Variants in NRXN3 observed in about 807,000 individuals in gnomAD.
The protein encoded by NRXN3 is neurexin III.
Under a neutral mutation model 137.6 loss-of-function variants are expected in NRXN3, and 32 were observed. That is an observed-to-expected ratio of 0.23 (90% CI 0.18 to 0.31). The LOEUF (loss-of-function observed/expected upper bound fraction) is 0.31, where lower values mean the gene tolerates loss of function less well. Among genes scored for constraint, NRXN3 ranks in the 10% least tolerant of loss-of-function variants. The pLI is 1.00. For synonymous variants in NRXN3, 798 were observed against 784.5 expected, an observed-to-expected ratio of 1.02 and a Z score of -0.29; for missense variants, 1,574 against 2,062.5, an observed-to-expected ratio of 0.76 and a Z score of 4.59.
At chr14:79,504,117 C>T (rs1164360496) in intron 16 of NRXN3, among the ~76,000 whole-genome samples, 2 of 152,120 alleles carry the variant, frequency 1.3e-5, no homozygotes, top group African/African-American at 4.8e-5. Flanking sequence ...TTGTTTCAAA[C>T]CACATTTCTA....
intron 20 of NRXN3, among the ~76,000 whole-genome samples, chr14:79,860,424 T>C (rs2099411856): frequency 6.6e-6 from 1 of 152,374 alleles, no homozygotes; most frequent in African/African-American, 2.4e-5. Flanking sequence ...ATTTGTTAGA[T>C]GAATATTTTT....
chr14:78,985,907 G>T (rs761100335), intron 14 of NRXN3, among the ~76,000 whole-genome samples: 4 of 152,050 alleles, frequency 2.6e-5, no homozygotes, highest in Non-Finnish European at 4.4e-5. Context: ...CTACATGGGG[G>T]AACCACATGG....
chr14:78,743,598 T>A (rs777185360), intron 8 of NRXN3, among the ~76,000 whole-genome samples: 1 of 152,192 alleles, frequency 6.6e-6, no homozygotes, highest in Non-Finnish European at 1.5e-5. Context: ...AAGATAACTC[T>A]TATCACATAT....
chr14:78,487,168 T>C (rs951624997), intron 4 of NRXN3, among the ~76,000 whole-genome samples: 2 of 152,204 alleles, frequency 1.3e-5, no homozygotes, highest in African/African-American at 4.8e-5. Context: ...TTTAAATTTC[T>C]GTGCTTAGTT....
intron 15 of NRXN3, among the ~76,000 whole-genome samples, chr14:79,416,765 C>A (rs765835758): frequency 2.0e-5 from 3 of 152,102 alleles, no homozygotes; most frequent in African/African-American, 4.8e-5. Context: ...ATGCAGATTT[C>A]ATTAATGAAA....
chr14:79,555,106 A>G (rs781146303), intron 16 of NRXN3, among the ~76,000 whole-genome samples: 9 of 152,164 alleles, frequency 5.9e-5, no homozygotes, highest in Non-Finnish European at 8.8e-5. Flanking sequence ...ATCTTCAGTA[A>G]GTCTGGAGTA....
chr14:78,639,266 T>C (rs1439617211), intron 4 of NRXN3, among the ~76,000 whole-genome samples: 2 of 152,328 alleles, frequency 1.3e-5, no homozygotes, highest in Non-Finnish European at 2.9e-5. Context: ...AGTACTGCAC[T>C]GTGCTGCTGT....
intron 10 of NRXN3, among the ~76,000 whole-genome samples, chr14:78,874,252 G>T (rs997167532): frequency 7.9e-5 from 12 of 152,130 alleles, no homozygotes; most frequent in Non-Finnish European, 1.5e-4. Flanking sequence ...GATTACAGGC[G>T]TGAGCCACTG....
At chr14:79,120,857 C>T (rs56350198) in intron 15 of NRXN3, among the ~76,000 whole-genome samples, 406 of 152,264 alleles carry the variant, frequency 2.7e-3, no homozygotes, top group African/African-American at 8.7e-3. Context: ...ATTGCTTACT[C>T]TTTACAAGTA....
chr14:79,850,995 C>T (rs1603619648), intron 20 of NRXN3, among the ~76,000 whole-genome samples: 1 of 152,102 alleles, frequency 6.6e-6, no homozygotes, highest in African/African-American at 2.4e-5. Context: ...ATTGTTCAAA[C>T]CAGTGATTTC....
intron 8 of NRXN3, among the ~76,000 whole-genome samples, chr14:78,743,538 G>T (rs1170842522): frequency 6.6e-6 from 1 of 152,122 alleles, no homozygotes; most frequent in Non-Finnish European, 1.5e-5. Flanking sequence ...TTGCTTGCCT[G>T]ACATTTCTAA....
At chr14:78,847,487 T>A (rs2099030501) in intron 10 of NRXN3, among the ~76,000 whole-genome samples, 1 of 152,030 alleles carries the variant, frequency 6.6e-6, no homozygotes, top group South Asian at 2.1e-4. Flanking sequence ...TGTGTGGCTG[T>A]CTGGACACAA....
chr14:78,884,925 G>T (rs1338284375), intron 10 of NRXN3, among the ~76,000 whole-genome samples: 3 of 151,572 alleles, frequency 2.0e-5, no homozygotes, highest in East Asian at 4.0e-4. Flanking sequence ...AAGTGATAGT[G>T]TATTAAAGCG....
intron 20 of NRXN3, among the ~76,000 whole-genome samples, chr14:79,818,046 GTTTTTTTTTTTTTTTT>G (rs55815632): frequency 8.4e-4 from 76 of 90,318 alleles, no homozygotes; most frequent in African/African-American, 3.1e-3. Context: ...GTGCACTTGG[GTTTTTTTTTTTTTTTT>G]TTTTTTTTTT....
At chr14:78,835,857 G>C (rs1487307911) in intron 10 of NRXN3, among the ~76,000 whole-genome samples, 1 of 152,076 alleles carries the variant, frequency 6.6e-6, no homozygotes, top group Admixed American at 6.5e-5. Flanking sequence ...AGAAAATGCA[G>C]TGTTTCTTAT....
chr14:78,182,428 G>T (rs1471648611), intron 1 of NRXN3, among the ~76,000 whole-genome samples: 1 of 152,138 alleles, frequency 6.6e-6, no homozygotes, highest in African/African-American at 2.4e-5. Context: ...CTGGCCACGT[G>T]TGGAGCTCTT....
At chr14:78,886,338 G>A (rs968322845) in intron 10 of NRXN3, among the ~76,000 whole-genome samples, 3 of 151,970 alleles carry the variant, frequency 2.0e-5, no homozygotes, top group African/African-American at 7.2e-5. Context: ...ATCCATTATT[G>A]TATATAGTGC....
chr14:78,964,436 A>C (rs572030199), intron 11 of NRXN3, among the ~76,000 whole-genome samples: 13 of 152,308 alleles, frequency 8.5e-5, no homozygotes, highest in African/African-American at 2.4e-4. Context: ...GACATTTCTG[A>C]AGGCAGCTTG....
At chr14:78,642,550 T>A (rs2097646402) in intron 4 of NRXN3, among the ~76,000 whole-genome samples, 3 of 152,186 alleles carry the variant, frequency 2.0e-5, no homozygotes, top group Admixed American at 2.0e-4. Context: ...ATAACTTAAA[T>A]GTTTATAGAA....
Sources: gnomAD v4.1 joint callset for allele counts (sites outside exome capture counted in the v4.1 genomes callset) on GRCh38, gnomAD v4.1.1 for gene constraint, MANE v1.5 for transcripts, NCBI Gene and HGNC (gene_info 2026-07-23, HGNC 2026-07-21) for gene names.